CTNNA3: variants seen among roughly 807,000 people sequenced by gnomAD.
The protein encoded by CTNNA3 is catenin alpha-3.
In CTNNA3, 76 loss-of-function variants were observed where a neutral mutation model predicts 95.7. The ratio of observed to expected loss-of-function variants is 0.79; its 90% CI spans 0.66 to 0.96. CTNNA3 has a LOEUF of 0.96. CTNNA3 is among the 40% of genes least tolerant of loss of function. The probability of loss-of-function intolerance (pLI) is 0.00; values close to 1 mark genes in which losing one functional copy is unlikely to be tolerated. For missense variants in CTNNA3, 1,191 were observed against 1,089.8 expected (o/e 1.09, Z -1.31); for synonymous variants, 431 against 374.4 (o/e 1.15, Z -1.74).
At chr10:66,805,603 T>C (rs997946304) in intron 7 of CTNNA3, among the ~76,000 whole-genome samples, 2 of 151,518 alleles carry the variant, frequency 1.3e-5, no homozygotes, top group Admixed American at 1.3e-4. Flanking sequence ...AGGAAGGATT[T>C]TCTGAGATGT....
intron 10 of CTNNA3, among the ~76,000 whole-genome samples, chr10:66,608,992 G>A (rs1301352996): frequency 2.7e-5 from 4 of 149,818 alleles, no homozygotes; most frequent in Admixed American, 1.3e-4. Flanking sequence ...ATTCAACAGA[G>A]TGTAACAGAA....
At chr10:67,211,621 T>C (rs1864142906) in intron 6 of CTNNA3, among the ~76,000 whole-genome samples, 1 of 152,182 alleles carries the variant, frequency 6.6e-6, no homozygotes, top group African/African-American at 2.4e-5. Context: ...ACAATATAAA[T>C]ATGAATAAGG....
intron 7 of CTNNA3, among the ~76,000 whole-genome samples, chr10:66,957,534 G>A (rs1393939042): frequency 6.6e-6 from 1 of 151,122 alleles, no homozygotes; most frequent in African/African-American, 2.4e-5. Flanking sequence ...AAGGACATTA[G>A]AATAGGGTAA....
intron 8 of CTNNA3, among the ~76,000 whole-genome samples, chr10:66,770,194 G>A (rs922396400): frequency 6.6e-6 from 1 of 152,132 alleles, no homozygotes; most frequent in African/African-American, 2.4e-5. Context: ...GGACTAGAAT[G>A]TTATGCTAAG....
chr10:67,127,726 T>C (rs1215384829), intron 7 of CTNNA3, among the ~76,000 whole-genome samples: 1 of 152,188 alleles, frequency 6.6e-6, no homozygotes. Context: ...AGTCTCTCCT[T>C]AGGACCTAAT....
chr10:66,837,684 A>C (rs1842928155), intron 7 of CTNNA3: 1 of 152,150 alleles, frequency 6.6e-6, no homozygotes, highest in Admixed American at 6.6e-5. Flanking sequence ...TCCTGTCAGC[A>C]GCCCACATTA....
chr10:65,976,249 T>C (rs965972091), intron 16 of CTNNA3, among the ~76,000 whole-genome samples: 7 of 152,206 alleles, frequency 4.6e-5, no homozygotes, highest in African/African-American at 1.4e-4. Flanking sequence ...ATTGATAATC[T>C]TATTTGTCAA....
At chr10:66,628,388 G>C (rs1354600852) in intron 9 of CTNNA3, among the ~76,000 whole-genome samples, 2 of 151,950 alleles carry the variant, frequency 1.3e-5, no homozygotes, top group Admixed American at 1.3e-4. Context: ...AAGAATTATT[G>C]CTTTAGGTTA....
chr10:67,096,578 G>A (rs1409141941), intron 7 of CTNNA3, among the ~76,000 whole-genome samples: 1 of 151,850 alleles, frequency 6.6e-6, no homozygotes, highest in Non-Finnish European at 1.5e-5. Context: ...CAGGACTGAA[G>A]GTTCCTGAAA....
chr10:67,683,713 GGTGA>G (rs1840672016), intron 1 of CTNNA3, among the ~76,000 whole-genome samples: 2 of 152,132 alleles, frequency 1.3e-5, no homozygotes, highest in Admixed American at 6.5e-5. Context: ...AGACACTCGT[GGTGA>G]GTGTTACCAC....
intron 10 of CTNNA3, among the ~76,000 whole-genome samples, chr10:66,552,603 T>G (rs1364892370): frequency 1.3e-5 from 2 of 152,152 alleles, no homozygotes; most frequent in Non-Finnish European, 2.9e-5. Context: ...ATGCCAAAAC[T>G]AAAACTGCTA....
chr10:67,738,970 T>C (rs1430305092), intron 1 of CTNNA3, among the ~76,000 whole-genome samples: 2 of 152,186 alleles, frequency 1.3e-5, no homozygotes, highest in African/African-American at 4.8e-5. Flanking sequence ...ATCTGATTGG[T>C]GTACCTGAAA....
chr10:67,327,852 C>T (rs541396495), intron 5 of CTNNA3, among the ~76,000 whole-genome samples: 1 of 152,284 alleles, frequency 6.6e-6, no homozygotes, highest in East Asian at 1.9e-4. Context: ...TGTGTGTGGT[C>T]ACCCTGAAGG....
At chr10:66,685,077 A>C (rs1023723818) in intron 9 of CTNNA3, among the ~76,000 whole-genome samples, 3 of 150,342 alleles carry the variant, frequency 2.0e-5, no homozygotes, top group Non-Finnish European at 4.4e-5. Flanking sequence ...AAGGTTTCTA[A>C]AAGAAAATGA....
rs534783957 is a variant in CTNNA3, at chr10:67,475,664, T to C, written c.579+46178A>G. Among the ~76,000 whole-genome samples, 6 of 152,290 alleles carry C rather than the reference T, an allele frequency of 3.9e-5. No individual in the cohort carries two copies. In the East Asian group the frequency reaches 7.7e-4, roughly 20 times the overall value. Reference sequence around the variant, plus strand: ...AAACGTTAACTTCCAATATTAGAAATAGTCACTTATCTGAAACTCTTAATT... The same window carrying C: ...AAACGTTAACTTCCAATATTAGAAACAGTCACTTATCTGAAACTCTTAATT... On this transcript the variant is annotated intron_variant, in intron 5 of 17. Transcript: ENST00000433211.
intron 11 of CTNNA3, among the ~76,000 whole-genome samples, chr10:66,425,115 A>G (rs1432576677): frequency 1.3e-5 from 2 of 152,032 alleles, no homozygotes; most frequent in Admixed American, 1.3e-4. Flanking sequence ...GTTATTTAAA[A>G]AAATCCTCTA....
At chr10:66,048,300 A>G (rs527782251) in intron 15 of CTNNA3, among the ~76,000 whole-genome samples, 100 of 152,328 alleles carry the variant, frequency 6.6e-4, no homozygotes, top group African/African-American at 2.1e-3. Flanking sequence ...GGACCAGAAT[A>G]GAGAGCCCAG....
At chr10:66,951,435 T>C (rs1405925592) in intron 7 of CTNNA3, among the ~76,000 whole-genome samples, 2 of 152,148 alleles carry the variant, frequency 1.3e-5, no homozygotes, top group African/African-American at 4.8e-5. Flanking sequence ...ATCTTTTAAA[T>C]GGCTTACTAT....
chr10:67,344,766 A>C (rs1842350288), intron 5 of CTNNA3, among the ~76,000 whole-genome samples: 1 of 151,716 alleles, frequency 6.6e-6, no homozygotes, highest in South Asian at 2.1e-4. Flanking sequence ...AAGGTTTGTC[A>C]ATTTTGTTTA....
Sources: gnomAD v4.1 joint callset for allele counts (sites outside exome capture counted in the v4.1 genomes callset) on GRCh38, gnomAD v4.1.1 for gene constraint, MANE v1.5 for transcripts, NCBI Gene and HGNC (gene_info 2026-07-23, HGNC 2026-07-21) for gene names.